SAMMSON: variants seen among roughly 807,000 people sequenced by gnomAD.
The protein encoded by SAMMSON is survival associated mitochondrial melanoma specific oncogenic non-coding RNA.
At chr3:70,014,017 C>T (rs892455727) in intron 3 of SAMMSON, 3 of 152,148 alleles carry the variant, frequency 2.0e-5, no homozygotes, top group African/African-American at 7.2e-5. Flanking sequence ...TACAGGGTAG[C>T]GTTTGAACAT....
At chr3:70,315,520 A>T (rs1265741847) in intron 7 of SAMMSON, among the ~76,000 whole-genome samples, 2 of 152,164 alleles carry the variant, frequency 1.3e-5, no homozygotes, top group African/African-American at 4.8e-5. Flanking sequence ...AACAGACACC[A>T]AGTACTTTTT....
At chr3:70,277,689 G>A (rs977326845) in intron 6 of SAMMSON, among the ~76,000 whole-genome samples, 5 of 152,084 alleles carry the variant, frequency 3.3e-5, no homozygotes, top group Admixed American at 6.6e-5. Flanking sequence ...ACCACCTCCC[G>A]AGCTTCAGGG....
intron 2 of SAMMSON, among the ~76,000 whole-genome samples, chr3:70,411,840 A>G (rs1390393451): frequency 6.6e-6 from 1 of 152,146 alleles, no homozygotes; most frequent in Non-Finnish European, 1.5e-5. Context: ...CTCTTTCTTT[A>G]TAAATTACTC....
intron 4 of SAMMSON, chr3:70,125,815 G>T: frequency 1.5e-6 from 1 of 661,644 alleles, no homozygotes; most frequent in Non-Finnish European, 2.7e-6. Flanking sequence ...GGGTCTTTGG[G>T]GCTGAAGATT....
chr3:70,035,619 T>C (rs2067082518), intron 3 of SAMMSON, among the ~76,000 whole-genome samples: 1 of 152,182 alleles, frequency 6.6e-6, no homozygotes, highest in African/African-American at 2.4e-5. Context: ...TCACAGCCTT[T>C]TAGCCGAACC....
At chr3:70,180,129 A>G (rs954923807) in intron 4 of SAMMSON, among the ~76,000 whole-genome samples, 1 of 152,118 alleles carries the variant, frequency 6.6e-6, no homozygotes, top group African/African-American at 2.4e-5. Flanking sequence ...GTCCTTAAAG[A>G]AAAAATGATT....
intron 4 of SAMMSON, among the ~76,000 whole-genome samples, chr3:70,204,091 T>C (rs1701267985): frequency 6.6e-6 from 1 of 152,180 alleles, no homozygotes; most frequent in African/African-American, 2.4e-5. Flanking sequence ...AAAATCTGCA[T>C]GTGTGAGGCT....
At chr3:70,067,058 G>T (rs73836049) in intron 3 of SAMMSON, among the ~76,000 whole-genome samples, 2 of 152,106 alleles carry the variant, frequency 1.3e-5, no homozygotes, top group South Asian at 2.1e-4. Flanking sequence ...GTAGTCAATT[G>T]TTGAAAGAAT....
At chr3:70,394,953 T>A (rs957329712) in intron 2 of SAMMSON, among the ~76,000 whole-genome samples, 2 of 152,228 alleles carry the variant, frequency 1.3e-5, no homozygotes, top group Admixed American at 6.5e-5. Context: ...TTACTTTCTA[T>A]TTTTTGAAAT....
chr3:70,189,067 GC>G (rs555723423), intron 4 of SAMMSON, among the ~76,000 whole-genome samples: 2 of 152,050 alleles, frequency 1.3e-5, no homozygotes, highest in African/African-American at 4.8e-5. Context: ...GTAATATACC[GC>G]CCCCAGCACA....
At chr3:70,204,445 G>A (rs1701270512) in intron 4 of SAMMSON, 1 of 151,976 alleles carries the variant, frequency 6.6e-6, no homozygotes, top group African/African-American at 2.4e-5. Flanking sequence ...ACTCTTTGTG[G>A]GTCTTAGGTT....
At chr3:70,421,649 G>A (rs1029555518) in intron 2 of SAMMSON, among the ~76,000 whole-genome samples, 7 of 152,102 alleles carry the variant, frequency 4.6e-5, no homozygotes, top group Non-Finnish European at 1.0e-4. Context: ...CTCAGAGACA[G>A]TATGAAAATT....
intron 9 of SAMMSON, among the ~76,000 whole-genome samples, chr3:70,389,404 ATGT>A (rs902058774): frequency 6.6e-6 from 1 of 152,124 alleles, no homozygotes; most frequent in Non-Finnish European, 1.5e-5. Flanking sequence ...CTATATAAAC[ATGT>A]TGTGCTAAAT....
chr3:70,111,633 A>C (rs1267156661), intron 4 of SAMMSON, among the ~76,000 whole-genome samples: 1 of 152,216 alleles, frequency 6.6e-6, no homozygotes, highest in African/African-American at 2.4e-5. Flanking sequence ...GAGGACTGAT[A>C]CTGAAATGAA....
At chr3:70,376,704 C>T (rs1445274354) in intron 9 of SAMMSON, among the ~76,000 whole-genome samples, 1 of 152,036 alleles carries the variant, frequency 6.6e-6, no homozygotes, top group Non-Finnish European at 1.5e-5. Flanking sequence ...GCTCTGAGTT[C>T]AGCCCACTAT....
chr3:70,136,607 A>C (rs1559521257), intron 4 of SAMMSON, among the ~76,000 whole-genome samples: 2 of 152,194 alleles, frequency 1.3e-5, no homozygotes, highest in South Asian at 4.1e-4. Context: ...GTAAATGTTT[A>C]CTTTTTGCTT....
intron 4 of SAMMSON, chr3:70,084,710 A>G (rs905979651): frequency 7.2e-5 from 11 of 152,192 alleles, no homozygotes; most frequent in African/African-American, 2.7e-4. Flanking sequence ...TGAGACTGAC[A>G]TTTTATTACT....
At chr3:70,137,749 C>G (rs1244964826) in intron 4 of SAMMSON, 4 of 152,100 alleles carry the variant, frequency 2.6e-5, no homozygotes, top group Admixed American at 2.6e-4. Flanking sequence ...AGAACATTAT[C>G]ATTTCAGCAT....
chr3:70,065,349 G>A (rs2067205688), intron 3 of SAMMSON: 1 of 151,982 alleles, frequency 6.6e-6, no homozygotes, highest in Non-Finnish European at 1.5e-5. Context: ...GTTTGGCTTC[G>A]AAATCCATGT....
Sources: gnomAD v4.1 joint callset for allele counts (sites outside exome capture counted in the v4.1 genomes callset) on GRCh38, gnomAD v4.1.1 for gene constraint, MANE v1.5 for transcripts, NCBI Gene and HGNC (gene_info 2026-07-23, HGNC 2026-07-21) for gene names.